Variants in WNK3 observed in about 807,000 individuals in gnomAD.
WNK3 encodes the protein serine/threonine-protein kinase WNK3.
WNK3 carries 18 observed loss-of-function variants against 116.7 expected under a neutral mutation model. The ratio of observed to expected loss-of-function variants is 0.15; its 90% confidence interval spans 0.11 to 0.23. The LOEUF (loss-of-function observed/expected upper bound fraction) is 0.23, where lower values mean the gene tolerates loss of function less well. Ranked by LOEUF, WNK3 falls within the 10% of genes least tolerant of loss-of-function variation. WNK3 has a pLI of 1.00. For synonymous variants in WNK3, 404 were observed against 469.4 expected, an observed-to-expected ratio of 0.86 and a Z score of 1.80; for missense variants, 993 against 1,323.8, an observed-to-expected ratio of 0.75 and a Z score of 3.88.
At chrX:54,358,288 C>T (rs1352735682), upstream of WNK3, among the ~76,000 whole-genome samples, 1 of 110,953 alleles carries the variant, frequency 9.0e-6, no homozygotes, top group Non-Finnish European at 1.9e-5. Flanking sequence ...AGGAAGCACG[C>T]GCGACATCTC....
intron 10 of WNK3, among the ~76,000 whole-genome samples, chrX:54,268,566 T>G (rs1285598394): frequency 1.8e-5 from 2 of 111,031 alleles, no homozygotes; most frequent in Non-Finnish European, 3.8e-5. Flanking sequence ...ATAGCTGGAT[T>G]CCAGGGTAGG....
chrX:54,351,341 G>A (rs1263953315), intron 1 of WNK3, among the ~76,000 whole-genome samples: 1 of 108,925 alleles, frequency 9.2e-6, no homozygotes, highest in Non-Finnish European at 1.9e-5. Flanking sequence ...CCTTATTTTG[G>A]CAACCATGGA....
intron 19 of WNK3, among the ~76,000 whole-genome samples, chrX:54,237,767 T>G (rs1251998798): frequency 9.0e-6 from 1 of 111,384 alleles, no homozygotes; most frequent in Non-Finnish European, 1.9e-5. Context: ...GACGTGAAAT[T>G]ACATTTATAA....
intron 22 of WNK3, among the ~76,000 whole-genome samples, chrX:54,218,665 C>T (rs1200450974): frequency 1.8e-5 from 2 of 109,895 alleles, no homozygotes; most frequent in Non-Finnish European, 3.8e-5. Context: ...AGGCAGATCA[C>T]TTGAGGTCAG....
At chrX:54,223,346 A>G (rs1331922457) in intron 22 of WNK3, 1 of 111,831 alleles carries the variant, frequency 8.9e-6, no homozygotes, top group East Asian at 2.8e-4. Flanking sequence ...ATGAAGGCTA[A>G]GTGGAAGAAG....
intron 10 of WNK3, among the ~76,000 whole-genome samples, chrX:54,275,286 A>G (rs1197061984): frequency 1.8e-5 from 2 of 110,633 alleles, no homozygotes; most frequent in African/African-American, 6.6e-5. Context: ...ATTGCACTCC[A>G]GCCTGGGCGA....
chrX:54,347,667 T>TATATATATATACACATATATATATACAC (rs1204234044), intron 1 of WNK3, among the ~76,000 whole-genome samples: 1 of 99,830 alleles, frequency 1.0e-5, no homozygotes, highest in African/African-American at 4.0e-5. Context: ...ATAAAAGACA[T>TATATATATATACACATATATATATACAC]ATATATATAT....
intron 3 of WNK3, among the ~76,000 whole-genome samples, chrX:54,310,026 A>G (rs782783808): frequency 9.0e-6 from 1 of 110,726 alleles, no homozygotes; most frequent in Non-Finnish European, 1.9e-5. Flanking sequence ...CATATTTAAT[A>G]TTTGCAAGTG....
At chrX:54,298,841 C>T (rs2068725914) in intron 6 of WNK3, among the ~76,000 whole-genome samples, 1 of 112,181 alleles carries the variant, frequency 8.9e-6, no homozygotes, top group African/African-American at 3.2e-5. Flanking sequence ...GATTTATAAA[C>T]TCTAAAGTAC....
At chrX:54,305,472 C>T (rs1423262287) in intron 5 of WNK3, among the ~76,000 whole-genome samples, 1 of 111,698 alleles carries the variant, frequency 9.0e-6, no homozygotes, top group Non-Finnish European at 1.9e-5. Context: ...CAGCTCACCA[C>T]TACTCTTAAG....
chrX:54,343,274 C>G (rs1178634720), intron 1 of WNK3, among the ~76,000 whole-genome samples: 1 of 110,501 alleles, frequency 9.0e-6, no homozygotes, highest in African/African-American at 3.3e-5. Context: ...TTTGGGAGGC[C>G]GAGGAGGGTG....
chrX:54,279,563 C>CAACA (rs1557161875), intron 10 of WNK3, among the ~76,000 whole-genome samples: 4 of 110,944 alleles, frequency 3.6e-5, no homozygotes, highest in South Asian at 3.8e-4. Flanking sequence ...CATCCTACCT[C>CAACA]AACAAACAAA....
At chrX:54,344,727 G>C (rs2069385192) in intron 1 of WNK3, among the ~76,000 whole-genome samples, 1 of 111,275 alleles carries the variant, frequency 9.0e-6, no homozygotes, top group Non-Finnish European at 1.9e-5. Flanking sequence ...GGTGGAACAC[G>C]AGGTCAGGAG....
At chrX:54,205,263 CCAACCAAACAAA>C (rs1426224545) in intron 22 of WNK3, among the ~76,000 whole-genome samples, 181 of 95,842 alleles carry the variant, frequency 1.9e-3, no homozygotes, top group African/African-American at 7.8e-3. Flanking sequence ...AACCAACCAA[CCAACCAAACAAA>C]CAAACAACAA....
At chrX:54,228,893 C>A (rs982583987) in intron 21 of WNK3, 150 bp from the exon 22 acceptor site, 5 of 349,549 alleles carry the variant, frequency 1.4e-5, no homozygotes, top group Non-Finnish European at 2.1e-5. Context: ...TGGCAAAAGA[C>A]AGAAGGCTTT....
intron 2 of WNK3, among the ~76,000 whole-genome samples, chrX:54,330,964 G>C (rs2069162858): frequency 9.1e-6 from 1 of 110,021 alleles, no homozygotes; most frequent in Admixed American, 9.8e-5. Flanking sequence ...AATGAGCCGA[G>C]ATCATGCCAC....
At chrX:54,235,719 C>G (rs2067954638) in intron 20 of WNK3, among the ~76,000 whole-genome samples, 1 of 111,756 alleles carries the variant, frequency 8.9e-6, no homozygotes, top group Non-Finnish European at 1.9e-5. Context: ...TTGGTTTCAA[C>G]TTTTCAAAGT....
chrX:54,283,544 T>C (rs1009446989), intron 10 of WNK3, among the ~76,000 whole-genome samples: 11 of 109,741 alleles, frequency 1.0e-4, no homozygotes, highest in Admixed American at 4.9e-4. Context: ...CCGAGGCGGG[T>C]GGATCACGAG....
intron 13 of WNK3, 106 bp from the exon 14 acceptor site, chrX:54,251,793 C>T: frequency 2.5e-6 from 2 of 792,445 alleles, no homozygotes; most frequent in Non-Finnish European, 3.5e-6. Flanking sequence ...GGGCCAGGCA[C>T]AGTGGCTCAT....
Sources: allele counts gnomAD v4.1 joint callset (sites outside exome capture counted in the v4.1 genomes callset), GRCh38; gene constraint gnomAD v4.1.1; transcripts MANE v1.5; gene names NCBI Gene and HGNC (gene_info 2026-07-23, HGNC 2026-07-21).